The following COL19A1 variants were observed in gnomAD, a reference collection of about 807,000 sequenced individuals.
COL19A1 encodes the protein collagen type XIX alpha 1 chain.
COL19A1 carries 159 observed loss-of-function variants against 190.2 expected under a neutral mutation model. That is an observed-to-expected ratio of 0.84 (90% CI 0.73 to 0.95). The LOEUF (loss-of-function observed/expected upper bound fraction) is 0.95. Ranked by LOEUF, COL19A1 falls within the 40% of genes least tolerant of loss-of-function variation. COL19A1 has a pLI of 0.00. For synonymous variants in COL19A1, 509 were observed against 458.9 expected (o/e 1.11, Z -1.39); for missense variants, 1,418 against 1,431.9 (o/e 0.99, Z 0.16).
chr6:69,931,037 A>G (rs1772728671), intron 6 of COL19A1, among the ~76,000 whole-genome samples: 1 of 152,206 alleles, frequency 6.6e-6, no homozygotes, highest in African/African-American at 2.4e-5. Context: ...TATTTTTATA[A>G]AAGATTCTTG....
intron 48 of COL19A1, among the ~76,000 whole-genome samples, chr6:70,196,822 C>G (rs1365615911): frequency 2.0e-5 from 3 of 152,024 alleles, no homozygotes; most frequent in Non-Finnish European, 2.9e-5. Context: ...AGAGGAAAAG[C>G]AATTAAGAAT....
chr6:69,874,624 G>A (rs1373929633), intron 1 of COL19A1, among the ~76,000 whole-genome samples: 2 of 152,110 alleles, frequency 1.3e-5, no homozygotes, highest in African/African-American at 4.8e-5. Context: ...GGTGGTGGGT[G>A]CCTGTAGTCC....
At chr6:69,904,126 C>T (rs1018706130) in intron 4 of COL19A1, among the ~76,000 whole-genome samples, 1 of 152,172 alleles carries the variant, frequency 6.6e-6, no homozygotes, top group Non-Finnish European at 1.5e-5. Flanking sequence ...CACTCGGGGG[C>T]ACTGAGCCCA....
intron 48 of COL19A1, among the ~76,000 whole-genome samples, chr6:70,198,115 A>G (rs1767323888): frequency 6.6e-6 from 1 of 152,228 alleles, no homozygotes; most frequent in African/African-American, 2.4e-5. Flanking sequence ...AACTAAATCA[A>G]CTAAACTGAA....
chr6:70,185,025 A>C, intron 46 of COL19A1, 110 bp downstream of exon 46: 1 of 999,412 alleles, frequency 1.0e-6, no homozygotes, highest in Non-Finnish European at 1.5e-6. Context: ...CAAATCTATA[A>C]AGGCTAGGGT....
At chr6:69,961,498 TGGCTGATGTACTGGA>T (rs1257596941) in intron 10 of COL19A1, among the ~76,000 whole-genome samples, 1 of 152,218 alleles carries the variant, frequency 6.6e-6, no homozygotes, top group East Asian at 1.9e-4. Flanking sequence ...GCTGACATTG[TGGCTGATGTACTGGA>T]GGCGTTTAGC....
intron 15 of COL19A1, among the ~76,000 whole-genome samples, chr6:70,095,054 T>C (rs1467346381): frequency 1.3e-5 from 2 of 152,200 alleles, no homozygotes; most frequent in African/African-American, 4.8e-5. Context: ...ACTCCTCTCA[T>C]GCTTTCTTTC....
intron 8 of COL19A1, among the ~76,000 whole-genome samples, chr6:69,937,205 C>T (rs1481472763): frequency 1.3e-5 from 2 of 152,100 alleles, no homozygotes; most frequent in Non-Finnish European, 2.9e-5. Flanking sequence ...TAGCATGTGC[C>T]AGGAATAGGC....
intron 4 of COL19A1, among the ~76,000 whole-genome samples, chr6:69,909,952 G>A (rs143758476): frequency 6.6e-4 from 101 of 152,268 alleles, no homozygotes; most frequent in African/African-American, 2.1e-3. Flanking sequence ...AAGCCTTACA[G>A]GGTAGAGATT....
chr6:69,967,193 C>G (rs1775164754), intron 11 of COL19A1, among the ~76,000 whole-genome samples: 1 of 152,136 alleles, frequency 6.6e-6, no homozygotes, highest in South Asian at 2.1e-4. Flanking sequence ...ATGTAGTCGA[C>G]TTGGTTCACT....
intron 11 of COL19A1, among the ~76,000 whole-genome samples, chr6:70,008,591 A>G (rs1432437027): frequency 1.3e-5 from 2 of 151,964 alleles, no homozygotes; most frequent in South Asian, 2.1e-4. Flanking sequence ...CTTTAATTCT[A>G]TCAGATGTCT....
At chr6:69,903,760 C>A (rs1308417330) in intron 4 of COL19A1, among the ~76,000 whole-genome samples, 1 of 152,202 alleles carries the variant, frequency 6.6e-6, no homozygotes, top group Non-Finnish European at 1.5e-5. Flanking sequence ...ACATGCACAT[C>A]TAGCTTAAAT....
At chr6:69,933,627 A>G (rs993412517) in intron 7 of COL19A1, among the ~76,000 whole-genome samples, 3 of 152,044 alleles carry the variant, frequency 2.0e-5, no homozygotes, top group Non-Finnish European at 4.4e-5. Context: ...TTACTTACTT[A>G]TACCAATCTT....
At chr6:69,909,971 C>G (rs1286481164) in intron 4 of COL19A1, among the ~76,000 whole-genome samples, 1 of 152,134 alleles carries the variant, frequency 6.6e-6, no homozygotes, top group Non-Finnish European at 1.5e-5. Flanking sequence ...TTACATCCAA[C>G]TGATTCATGT....
intron 11 of COL19A1, among the ~76,000 whole-genome samples, chr6:70,016,811 C>T (rs1489852495): frequency 6.6e-6 from 1 of 151,940 alleles, no homozygotes; most frequent in Non-Finnish European, 1.5e-5. Flanking sequence ...ATTAAAGCCA[C>T]AATGAAATAC....
chr6:70,045,372 G>C (rs1386175964), intron 14 of COL19A1, among the ~76,000 whole-genome samples: 2 of 149,150 alleles, frequency 1.3e-5, no homozygotes, highest in Non-Finnish European at 3.0e-5. Context: ...GTAATATCAA[G>C]TAGTTCTTTG....
intron 11 of COL19A1, among the ~76,000 whole-genome samples, chr6:69,994,628 G>A (rs1205914304): frequency 6.6e-6 from 1 of 152,112 alleles, no homozygotes; most frequent in Admixed American, 6.6e-5. Flanking sequence ...TGCAGACATT[G>A]CTATAATTTG....
At position 70,180,953 on chromosome 6, in the gene COL19A1, T is replaced by C. The variant is rs557804246; in HGVS notation, c.2775+430T>C. 7.2e-5 allele frequency among the ~76,000 whole-genome samples: 11 copies of C among 152,366 alleles called. No homozygotes were observed. The South Asian group carries it at 1.9e-3, about 26-fold the overall frequency. ...ATACAGGCCTTGTTTTCTTACACTT[T>C]CATAAATCACTACTGGTGAATGTCT... On this transcript the variant is annotated intron_variant, in intron 44 of 50. Transcript: ENST00000620364.
At chr6:69,884,380 T>C (rs1053411384) in intron 2 of COL19A1, among the ~76,000 whole-genome samples, 2 of 147,178 alleles carry the variant, frequency 1.4e-5, no homozygotes, top group African/African-American at 2.5e-5. Flanking sequence ...AGAGGAAAAA[T>C]GTTTAACAAA....
Sources: allele counts gnomAD v4.1 joint callset (sites outside exome capture counted in the v4.1 genomes callset), GRCh38; gene constraint gnomAD v4.1.1; transcripts MANE v1.5; gene names NCBI Gene and HGNC (gene_info 2026-07-23, HGNC 2026-07-21).